Variants in TMEM63A observed in about 807,000 individuals in gnomAD.
TMEM63A encodes the protein transmembrane protein 63A, also known as mechanosensitive cation channel TMEM63A.
A neutral mutation model predicts 100.6 loss-of-function variants in TMEM63A; 76 were observed. The observed-to-expected ratio is 0.76, with a 90% confidence interval of 0.63 to 0.91. TMEM63A has a LOEUF of 0.91. TMEM63A is among the 40% of genes least tolerant of loss of function. The pLI is 0.00. For missense variants in TMEM63A, 876 were observed against 1,008.8 expected (o/e 0.87, Z 1.78); for synonymous variants, 401 against 401.1 (o/e 1.00, Z 0.00).
chr1:225,856,557 G>T, intron 17 of TMEM63A, 95 bp downstream of exon 17: 1 of 1,312,266 alleles, frequency 7.6e-7, no homozygotes, highest in African/African-American at 1.5e-5. Flanking sequence ...TTAGAGGTTT[G>T]CTTCTGCTGC....
rs192394540 is a variant in TMEM63A, at chr1:225,879,258, T to C, written c.-53A>G. ...AAGGAAGGACTGTGGATGGGCCCGT[T>C]GGAGAGGTCCTCAGTTGGAGCTGTC... On this transcript the variant is annotated 5_prime_UTR_variant, in exon 2 of 25. Coordinates refer to ENST00000366835, the MANE Select transcript of TMEM63A (RefSeq NM_014698.3). 6.6e-6 allele frequency: 1 copy of C among 152,238 alleles called. No homozygotes were observed. Among genetic ancestry groups the C allele is most frequent in the Non-Finnish European group, 1.5e-5 (1 of 68,074 alleles). 9.4% of individuals were successfully genotyped at this position (152,238 alleles called of 1,614,324 possible).
chr1:225,849,909 C>T lies in TMEM63A; in HGVS notation c.2071+3G>A. 1 of 1,613,444 alleles carries T rather than the reference C, an allele frequency of 6.2e-7. No homozygotes were observed. The highest frequency in any genetic ancestry group is 1.1e-5 in the South Asian group (1 of 91,010). On this transcript the variant is annotated splice_donor_region_variant and intron_variant, in intron 21 of 24. Transcript: ENST00000366835. Reference sequence around the variant, plus strand: ...CTGGCCCCAGGTCAGAAGGGCTGCTCACCCAGGCGCAGGAAGGAAAAGAAG... The same window carrying T: ...CTGGCCCCAGGTCAGAAGGGCTGCTTACCCAGGCGCAGGAAGGAAAAGAAG...
rs768740280 is a variant in TMEM63A at position 225,853,123 on chromosome 1, A to G, written c.1798-354T>C. Among the ~76,000 whole-genome samples, 2 of 152,196 alleles carry G rather than the reference A, an allele frequency of 1.3e-5. No individual in the cohort carries two copies. The highest frequency in any genetic ancestry group is 2.9e-5 in the Non-Finnish European group (2 of 68,034). ...TAGTTCATGCCTCTGTGAAATCGGGATACTAGCAGTGCCCAGCTCATAAGG... is the reference window on the plus strand; with the variant it reads ...TAGTTCATGCCTCTGTGAAATCGGGGTACTAGCAGTGCCCAGCTCATAAGG... On this transcript the variant is annotated intron_variant, in intron 19 of 24. Coordinates refer to ENST00000366835, the MANE Select transcript of TMEM63A (RefSeq NM_014698.3). This position sits in a 1 kb window ranked among gnomAD's most constrained non-coding sequence, Gnocchi z 4.0.
chr1:225,848,238 A>G (rs1339450226), intron 23 of TMEM63A: 3 of 522,962 alleles, frequency 5.7e-6, no homozygotes, highest in Non-Finnish European at 1.0e-5. Flanking sequence ...AGAAGGAAAG[A>G]GAGCAGGGAA....
intron 4 of TMEM63A, 39 bp downstream of exon 4, chr1:225,874,249 C>T (rs374636400): frequency 4.3e-5 from 69 of 1,588,466 alleles, no homozygotes; most frequent in South Asian, 2.3e-4. Flanking sequence ...CTCACACGTA[C>T]GCACACGCAT....
rs752269036 is a variant in TMEM63A at position 225,848,893 on chromosome 1, T to G, written c.2187+4A>C. On this transcript the variant is annotated splice_donor_region_variant and intron_variant, in intron 22 of 24. Coordinates refer to ENST00000366835, the MANE Select transcript of TMEM63A (RefSeq NM_014698.3). ...GACCGGGCAGTGGGGTCGGGGGCCT[T>G]TACTTTGTAGTTCAGAGGGCTGAGG... 1.3e-5 allele frequency: 21 copies of G among 1,579,472 alleles called. No homozygotes were observed. The highest frequency in any genetic ancestry group is 1.8e-5 in the Non-Finnish European group (21 of 1,163,016).
intron 1 of TMEM63A, among the ~76,000 whole-genome samples, chr1:225,880,291 C>A (rs753745407): frequency 1.3e-5 from 2 of 152,198 alleles, no homozygotes; most frequent in African/African-American, 2.4e-5. Flanking sequence ...GCCCATTAGA[C>A]ACATAAAGTC....
intron 5 of TMEM63A, among the ~76,000 whole-genome samples, chr1:225,871,357 A>T (rs895136967): frequency 3.9e-5 from 6 of 152,194 alleles, no homozygotes; most frequent in Non-Finnish European, 4.4e-5. Context: ...AAGCTGATGA[A>T]AGCTCAGGGC....
intron 20 of TMEM63A, among the ~76,000 whole-genome samples, chr1:225,851,570 A>G (rs902750687): frequency 5.3e-5 from 8 of 151,914 alleles, no homozygotes; most frequent in African/African-American, 1.9e-4. Flanking sequence ...GGGTTTCATC[A>G]TATTGGCCAG....
intron 23 of TMEM63A, among the ~76,000 whole-genome samples, chr1:225,847,902 G>A (rs1322436211): frequency 6.6e-6 from 1 of 152,206 alleles, no homozygotes; most frequent in Non-Finnish European, 1.5e-5. Flanking sequence ...ACGGCTGTCA[G>A]GAAGGCTGGT....
In TMEM63A at chr1:225,877,818, A is replaced by C. The variant is rs115628043; in HGVS notation, c.-14-224T>G. ...GACAATCTCAGGGGATCAGATGGTCAGAGTGGATGGCTCATCCAGGACACA... is the reference window on the plus strand; with the variant it reads ...GACAATCTCAGGGGATCAGATGGTCCGAGTGGATGGCTCATCCAGGACACA... On this transcript the variant is annotated intron_variant, in intron 2 of 24. Coordinates refer to ENST00000366835, the MANE Select transcript of TMEM63A (RefSeq NM_014698.3). The C allele has an allele frequency of 4.2e-3, 2,061 of 486,920 alleles. 39 individuals are homozygous for C. The highest frequency in any genetic ancestry group is 0.036 in the African/African-American group (1,874 of 51,588). 30.2% of individuals were successfully genotyped at this position (486,920 alleles called of 1,614,324 possible).
chr1:225,854,453 GAGAGTTGTCAGGA>G (rs1401709313), intron 18 of TMEM63A, among the ~76,000 whole-genome samples: 1 of 152,172 alleles, frequency 6.6e-6, no homozygotes, highest in Non-Finnish European at 1.5e-5. Flanking sequence ...CTACTTTAGA[GAGAGTTGTCAGGA>G]TTTTCTGGTA....
rs561184190 is a variant in TMEM63A at position 225,852,277 on chromosome 1, G to A, written c.1903+387C>T. 4.9e-4 allele frequency among the ~76,000 whole-genome samples: 75 copies of A among 152,330 alleles called. 1 individual carries two copies. Among genetic ancestry groups the A allele is most frequent in the African/African-American group, 1.7e-3 (72 of 41,580 alleles). On this transcript the variant is annotated intron_variant, in intron 20 of 24. Transcript: ENST00000366835. The stretch of plus-strand genomic sequence containing the variant: ...AGGCGGGTGGATCACCTGAGGTCAG[G>A]AGTTCAAGACCAGGCTGGCCAACAT...
At chr1:225,858,355 CG>C (rs1669752281) in intron 15 of TMEM63A, among the ~76,000 whole-genome samples, 1 of 114,256 alleles carries the variant, frequency 8.8e-6, no homozygotes, top group East Asian at 2.9e-4. Flanking sequence ...GATGGAGTTT[CG>C]CTCTTGTCGC....
intron 2 of TMEM63A, among the ~76,000 whole-genome samples, chr1:225,878,929 ACAGGAAGCATGAATGAGTGGAAAGCC>A (rs1670958827): frequency 3.4e-5 from 5 of 146,796 alleles, no homozygotes; most frequent in African/African-American, 1.0e-4. Context: ...CACACGAAGC[ACAGGAAGCATGAATGAGTGGAAAGCC>A]CAAGAACATG....
chr1:225,872,265 G>A (rs559507949), intron 4 of TMEM63A, among the ~76,000 whole-genome samples: 1 of 152,288 alleles, frequency 6.6e-6, no homozygotes, highest in Admixed American at 6.5e-5. Flanking sequence ...AAAACTCTAT[G>A]TTATACGGGA....
In TMEM63A at chr1:225,862,408, C is replaced by A; in HGVS notation, c.951+47G>T. ...TGGCCCCATGCTGGTATCTGGGGCA[C>A]CCCGATGCCAATGCCTCTGCTCCCA... On this transcript the variant is annotated intron_variant, in intron 12 of 24. Coordinates refer to ENST00000366835, the MANE Select transcript of TMEM63A (RefSeq NM_014698.3). This position sits in a 1 kb window ranked among gnomAD's most constrained non-coding sequence, Gnocchi z 5.1. The A allele has an allele frequency of 6.2e-7, 1 of 1,613,836 alleles. No homozygotes were observed. The highest frequency in any genetic ancestry group is 8.5e-7 in the Non-Finnish European group (1 of 1,179,752).
At chr1:225,874,739 G>T (rs925766031) in intron 3 of TMEM63A, among the ~76,000 whole-genome samples, 4 of 152,224 alleles carry the variant, frequency 2.6e-5, no homozygotes, top group Non-Finnish European at 5.9e-5. Context: ...GGAGGGTAAG[G>T]TCTGGCCCCA....
At position 225,871,213 on chromosome 1, in the gene TMEM63A, T is replaced by C. The variant is rs1670494524; in HGVS notation, c.334-100A>G. On this transcript the variant is annotated intron_variant, in intron 5 of 24. Transcript: ENST00000366835. The stretch of plus-strand genomic sequence containing the variant: ...CATTAAATAACCATTTAACCTCCTG[T>C]TGTATAAAAAACAGTGCTTTTATCC... The C allele has an allele frequency of 1.2e-5, 15 of 1,285,322 alleles. No homozygotes were observed. In the South Asian group the frequency reaches 1.8e-4, roughly 15 times the overall value. The allele number at this position is 1,285,322 out of a possible 1,614,324, so 79.6% of individuals were successfully genotyped here.
Sources: allele counts gnomAD v4.1 joint callset (sites outside exome capture counted in the v4.1 genomes callset), GRCh38; gene constraint gnomAD v4.1.1; non-coding constraint Gnocchi (gnomAD v3.1); transcripts MANE v1.5; gene names NCBI Gene and HGNC (gene_info 2026-07-23, HGNC 2026-07-21).